MAP1B: variants seen among roughly 807,000 people sequenced by gnomAD.
MAP1B encodes the protein microtubule associated protein 1B.
In MAP1B, 12 loss-of-function variants were observed where a neutral mutation model predicts 176.1. That is an observed-to-expected ratio of 0.07 (90% CI 0.04 to 0.11). The LOEUF (loss-of-function observed/expected upper bound fraction) is 0.11, where lower values mean the gene tolerates loss of function less well. Among genes scored for constraint, MAP1B ranks in the 10% least tolerant of loss-of-function variants. The probability of loss-of-function intolerance (pLI) is 1.00; values close to 1 mark genes in which losing one functional copy is unlikely to be tolerated. For missense variants in MAP1B, 2,523 were observed against 2,990.5 expected, an observed-to-expected ratio of 0.84 and a Z score of 3.65; for synonymous variants, 1,044 against 1,135.0, an observed-to-expected ratio of 0.92 and a Z score of 1.61.
At chr5:72,188,998 G>A (rs981273707) in intron 4 of MAP1B, among the ~76,000 whole-genome samples, 7 of 152,158 alleles carry the variant, frequency 4.6e-5, no homozygotes, top group Non-Finnish European at 1.0e-4. Context: ...AAATGGTTGA[G>A]TAACTGAATA....
At chr5:72,135,938 A>C (rs747626248) in intron 2 of MAP1B, among the ~76,000 whole-genome samples, 1 of 152,216 alleles carries the variant, frequency 6.6e-6, no homozygotes, top group African/African-American at 2.4e-5. Context: ...TTTGAGGTGT[A>C]GCCCAACAGG....
chr5:72,175,811 A>G (rs1025858513), intron 2 of MAP1B, among the ~76,000 whole-genome samples: 4 of 152,256 alleles, frequency 2.6e-5, no homozygotes, highest in African/African-American at 9.6e-5. Context: ...AAGTATAGAG[A>G]AAATTAGGTA....
chr5:72,108,615 G>A (rs1745200448), intron 1 of MAP1B, among the ~76,000 whole-genome samples: 1 of 152,154 alleles, frequency 6.6e-6, no homozygotes, highest in Non-Finnish European at 1.5e-5. Flanking sequence ...ACAGCCTCGG[G>A]CGCACAGAGA....
chr5:72,182,680 C>T (rs1746796916), intron 2 of MAP1B, among the ~76,000 whole-genome samples: 1 of 152,220 alleles, frequency 6.6e-6, no homozygotes, highest in Non-Finnish European at 1.5e-5. Flanking sequence ...ATTCTCTCCT[C>T]TTGTATTTCT....
chr5:72,179,430 G>T (rs1032327342), intron 2 of MAP1B, among the ~76,000 whole-genome samples: 5 of 152,214 alleles, frequency 3.3e-5, no homozygotes, highest in African/African-American at 1.2e-4. Context: ...AACTGAATGA[G>T]ACCTTTACAA....
In MAP1B at chr5:72,193,893, C is replaced by T. The variant is rs776430089; in HGVS notation, c.538C>T (p.Pro180Ser). ...EIGELLSTTH[P>S]ANKASLTLFC... ...CGGGGAGTTACTAAGCACCACCCAT[C>T]CTGCCAACAAAGCCAGCTTAACCCT... Residue 180 changes from proline (P) to serine (S), a missense_variant, in exon 5 of 7, where the codon CCT becomes TCT. Transcript: ENST00000296755. 1 of 1,605,390 alleles carries T rather than the reference C, an allele frequency of 6.2e-7. No individual in the cohort carries two copies. The highest frequency in any genetic ancestry group is 8.5e-7 in the Non-Finnish European group (1 of 1,176,614).
At chr5:72,114,090 T>C (rs192919430) in intron 1 of MAP1B, among the ~76,000 whole-genome samples, 1 of 152,348 alleles carries the variant, frequency 6.6e-6, no homozygotes, top group East Asian at 1.9e-4. Context: ...CCATTGATCA[T>C]ATGAGAAATT....
Position 72,186,857 on chromosome 5 carries a change from A to C in MAP1B, c.510+103A>C. On this transcript the variant is annotated intron_variant, in intron 4 of 6. Coordinates refer to ENST00000296755, the MANE Select transcript of MAP1B (RefSeq NM_005909.5). The surrounding 1 kb of genome is among the most constrained non-coding windows in gnomAD (Gnocchi z 4.3). ...ACAAAAGAAGAAGGGAGGGAACCTC[A>C]CAGCTCTCCTGAAATAAGCAAAACT... is the stretch of plus-strand genomic sequence containing the variant. 7.3e-7 allele frequency: 1 copy of C among 1,373,770 alleles called. No individual in the cohort carries two copies. Among genetic ancestry groups the C allele is most frequent in the African/African-American group, 1.4e-5 (1 of 69,560 alleles). The allele number at this position is 1,373,770 out of a possible 1,614,324, so 85.1% of individuals were successfully genotyped here.
chr5:72,140,137 A>AT (rs999334923), intron 2 of MAP1B, among the ~76,000 whole-genome samples: 8 of 151,986 alleles, frequency 5.3e-5, no homozygotes, highest in Non-Finnish European at 1.2e-4. Flanking sequence ...TAATTTTTGT[A>AT]TTTTTTGTAG....
At chr5:72,188,976 G>T (rs990264178) in intron 4 of MAP1B, among the ~76,000 whole-genome samples, 1 of 152,138 alleles carries the variant, frequency 6.6e-6, no homozygotes, top group Non-Finnish European at 1.5e-5. Context: ...ATTGCCCATT[G>T]TTGCCTTGGA....
At chr5:72,114,633 C>T (rs1329010919) in intron 1 of MAP1B, among the ~76,000 whole-genome samples, 1 of 152,250 alleles carries the variant, frequency 6.6e-6, no homozygotes, top group East Asian at 1.9e-4. Context: ...CACACACACA[C>T]ACCAGAGTTC....
At position 72,194,621 on chromosome 5, in the gene MAP1B, G is replaced by T. The variant is rs1747105338; in HGVS notation, c.1266G>T (p.Met422Ile). ...AAATGGGAGTAGGTAAACTTGAGAT[G>T]TATGTGCTTAATCCAGTCAAGAGCA... ...FQKMGVGKLE[M>I]YVLNPVKSSK... The change falls in exon 5 of 7, where the codon ATG becomes ATT. Residue 422 changes from methionine to isoleucine, a missense_variant. Transcript: ENST00000296755. This position sits in a 1 kb window ranked among gnomAD's most constrained non-coding sequence, Gnocchi z 7.2. The T allele has an allele frequency of 4.3e-6, 7 of 1,614,130 alleles. No homozygotes were observed. The highest frequency in any genetic ancestry group is 5.9e-6 in the Non-Finnish European group (7 of 1,180,046).
At chr5:72,180,817 A>G (rs1197001938) in intron 2 of MAP1B, among the ~76,000 whole-genome samples, 1 of 151,922 alleles carries the variant, frequency 6.6e-6, no homozygotes, top group African/African-American at 2.4e-5. Context: ...TGCTTTTGTA[A>G]GCTCATCTCT....
chr5:72,199,112 T>C lies in MAP1B; in HGVS notation c.5757T>C (p.Ser1919=). 6.2e-7 allele frequency: 1 copy of C among 1,614,082 alleles called. No individual in the cohort carries two copies. Among genetic ancestry groups the C allele is most frequent in the Non-Finnish European group, 8.5e-7 (1 of 1,180,002 alleles). ...IERTTKSPSD[S]GYSYETIGKT... is the part of the protein sequence containing the mutation. ...GAACCACAAAATCTCCAAGTGACAG[T>C]GGCTACTCCTATGAGACCATTGGGA... Residue 1919 remains serine (S), a synonymous_variant, in exon 5 of 7, where the codon AGT becomes AGC. Transcript: ENST00000296755. The surrounding 1 kb of genome is among the most constrained non-coding windows in gnomAD (Gnocchi z 4.2).
intron 2 of MAP1B, among the ~76,000 whole-genome samples, chr5:72,128,194 G>C (rs905599003): frequency 1.3e-5 from 2 of 152,148 alleles, no homozygotes; most frequent in African/African-American, 4.8e-5. Context: ...CTGTGCCTCA[G>C]GGTCCTCATG....
chr5:72,207,962 C>CTTTTTTTTTTTTTTTTTT lies in MAP1B; in HGVS notation c.*2727_*2744dup, dbSNP rs564543921. The CTTTTTTTTTTTTTTTTTT allele has an allele frequency of 8.6e-6, 1 of 116,004 alleles. No individual in the cohort carries two copies. Among genetic ancestry groups the CTTTTTTTTTTTTTTTTTT allele is most frequent in the Non-Finnish European group, 1.7e-5 (1 of 58,402 alleles). The allele number at this position is 116,004 out of a possible 1,614,324, so 7.2% of individuals were successfully genotyped here. ...CTCCTCACTTTCTCTCTCTCTCTCT[C>CTTTTTTTTTTTTTTTTTT]TTTTTTTTTTTTTTTTTTTTTGCTA... On this transcript the variant is annotated 3_prime_UTR_variant, in exon 7 of 7. Coordinates refer to ENST00000296755, the MANE Select transcript of MAP1B (RefSeq NM_005909.5).
At chr5:72,203,969 C>T (rs1435387628) in intron 6 of MAP1B, among the ~76,000 whole-genome samples, 168 bp downstream of exon 6, 1 of 152,198 alleles carries the variant, frequency 6.6e-6, no homozygotes, top group Admixed American at 6.5e-5. Flanking sequence ...CAGTTTAACA[C>T]ACAGTAGGTA....
chr5:72,107,833 C>T, intron 1 of MAP1B, 118 bp downstream of exon 1: 3 of 1,011,824 alleles, frequency 3.0e-6, no homozygotes, highest in Non-Finnish European at 4.4e-6. Flanking sequence ...CTCTCCTCGT[C>T]ACCTCTCATA....
At chr5:72,116,669 A>G (rs962927781) in intron 2 of MAP1B, among the ~76,000 whole-genome samples, 2 of 152,178 alleles carry the variant, frequency 1.3e-5, no homozygotes, top group African/African-American at 4.8e-5. Flanking sequence ...AACCTGGAAT[A>G]TATTTCTCCA....
Sources: gnomAD v4.1 joint callset for allele counts (sites outside exome capture counted in the v4.1 genomes callset) on GRCh38, gnomAD v4.1.1 for gene constraint, Gnocchi (gnomAD v3.1) non-coding constraint, MANE v1.5 for transcripts, NCBI Gene and HGNC (gene_info 2026-07-23, HGNC 2026-07-21) for gene names.